Variants in CELF1 observed in about 807,000 individuals in gnomAD.
CELF1 encodes the protein 50 kDa nuclear polyadenylated RNA-binding protein.
Under a neutral mutation model 61.8 loss-of-function variants are expected in CELF1, and 10 were observed. The observed-to-expected ratio is 0.16, with a 90% CI of 0.10 to 0.27. The LOEUF is 0.27. Ranked by LOEUF, CELF1 falls within the 10% of genes least tolerant of loss-of-function variation. The pLI, the probability that CELF1 is intolerant of heterozygous loss-of-function variation, is 1.00. For missense variants in CELF1, 380 were observed against 639.1 expected (o/e 0.59, Z 4.37); for synonymous variants, 236 against 225.1 (o/e 1.05, Z -0.43).
chr11:47,508,923 C>G (rs2094795383), intron 1 of CELF1, among the ~76,000 whole-genome samples: 1 of 152,130 alleles, frequency 6.6e-6, no homozygotes, highest in South Asian at 2.1e-4. Context: ...GCATGCGCCA[C>G]CATGCCCAGC....
chr11:47,475,326 T>G lies in CELF1; in HGVS notation c.1273+10A>C. The G allele has an allele frequency of 1.2e-6, 2 of 1,613,046 alleles. No individual in the cohort carries two copies. Among genetic ancestry groups the G allele is most frequent in the Non-Finnish European group, 1.7e-6 (2 of 1,179,902 alleles). On this transcript the variant is annotated intron_variant, in intron 13 of 14. Coordinates refer to ENST00000687097, the MANE Select transcript of CELF1 (RefSeq NM_001376376.1). The stretch of plus-strand genomic sequence containing the variant: ...CCCCATACCTGACCCCGATCTCCCT[T>G]TGCACTCACCTTCCTTCTGGCTTCC...
intron 1 of CELF1, among the ~76,000 whole-genome samples, chr11:47,549,822 T>G (rs544714371): frequency 6.8e-6 from 1 of 148,026 alleles, no homozygotes; most frequent in South Asian, 2.1e-4. Context: ...TTTTTTTTGT[T>G]TTTTTTTTTT....
intron 2 of CELF1, among the ~76,000 whole-genome samples, chr11:47,562,080 G>T (rs1011885429): frequency 1.3e-5 from 2 of 151,928 alleles, no homozygotes; most frequent in Non-Finnish European, 2.9e-5. Context: ...TACAAAATTA[G>T]CCAGGAGTGG....
chr11:47,505,916 C>G (rs1029444276), intron 1 of CELF1, among the ~76,000 whole-genome samples: 1 of 122,832 alleles, frequency 8.1e-6, no homozygotes, highest in African/African-American at 3.0e-5. Flanking sequence ...GCCTGGGTGA[C>G]AAGAGTGAAA....
chr11:47,558,716 TTATGAC>T (rs2097215964), intron 2 of CELF1, among the ~76,000 whole-genome samples: 1 of 97,180 alleles, frequency 1.0e-5, no homozygotes, highest in Non-Finnish European at 1.9e-5. Context: ...ATATATAATA[TTATGAC>T]ATATATTATA....
chr11:47,489,940 T>TG (rs2090406258), intron 3 of CELF1, among the ~76,000 whole-genome samples: 3 of 111,920 alleles, frequency 2.7e-5, no homozygotes, highest in African/African-American at 1.0e-4. Flanking sequence ...ATCTTGTTTT[T>TG]TTTTTTTTTT....
At chr11:47,493,165 G>A (rs1255839090) in intron 3 of CELF1, among the ~76,000 whole-genome samples, 2 of 151,690 alleles carry the variant, frequency 1.3e-5, no homozygotes, top group East Asian at 3.9e-4. Flanking sequence ...ATTTTTCCAG[G>A]TCTACCTACA....
intron 3 of CELF1, 76 bp downstream of exon 3, chr11:47,499,377 G>A (rs1422192302): frequency 3.4e-6 from 4 of 1,188,604 alleles, no homozygotes; most frequent in Non-Finnish European, 4.7e-6. Context: ...TTAAAAAAAG[G>A]AACCAATTTC....
chr11:47,530,960 C>T (rs1469060256), intron 1 of CELF1, among the ~76,000 whole-genome samples: 3 of 151,630 alleles, frequency 2.0e-5, no homozygotes, highest in Non-Finnish European at 2.9e-5. Context: ...TGTCTTAAAA[C>T]AAAAAGCCCG....
intron 1 of CELF1, among the ~76,000 whole-genome samples, chr11:47,501,483 AATT>A (rs2093891893): frequency 6.6e-6 from 1 of 152,192 alleles, no homozygotes; most frequent in South Asian, 2.1e-4. Context: ...TTAGTGCAAG[AATT>A]CCTCTAAAAA....
rs992825529 is a variant in CELF1 at position 47,559,030 on chromosome 11, AAT to A, written c.-11+5319_-11+5320del. On this transcript the variant is annotated intron_variant, in intron 2 of 3. Transcript: ENST00000525841. ...ATAATATATGTTATATATAATATATAATATGTTACATATAATAATATAATATG... is the reference window on the plus strand; with the variant it reads ...ATAATATATGTTATATATAATATATAATGTTACATATAATAATATAATATG... Among the ~76,000 whole-genome samples, 49 of 143,092 alleles carry A rather than the reference AAT, an allele frequency of 3.4e-4. 1 individual carries two copies. The highest frequency in any genetic ancestry group is 1.7e-3 in the South Asian group (8 of 4,742). 93.9% of individuals were successfully genotyped at this position (143,092 alleles called of 152,430 possible).
intron 13 of CELF1, among the ~76,000 whole-genome samples, chr11:47,474,039 T>G (rs1322543705): frequency 6.6e-6 from 1 of 152,110 alleles, no homozygotes; most frequent in African/African-American, 2.4e-5. Flanking sequence ...CCCGAGTAGC[T>G]GGGATTACAG....
chr11:47,514,559 T>G (rs983357491), intron 1 of CELF1, among the ~76,000 whole-genome samples: 3 of 151,982 alleles, frequency 2.0e-5, no homozygotes, highest in Non-Finnish European at 4.4e-5. Context: ...AAAACATTTT[T>G]AAAAATCTCT....
intron 1 of CELF1, among the ~76,000 whole-genome samples, chr11:47,539,809 A>G (rs2096729467): frequency 6.6e-6 from 1 of 152,136 alleles, no homozygotes. Context: ...TGCATTTCTC[A>G]TCTATGCTTC....
intron 3 of CELF1, 108 bp downstream of exon 3, chr11:47,499,345 C>T (rs2153541741): frequency 1.2e-6 from 1 of 806,622 alleles, no homozygotes; most frequent in South Asian, 1.7e-5. Flanking sequence ...TGGCTTCTTT[C>T]CCCATTTTTC....
At chr11:47,536,299 G>C (rs2096627724) in intron 1 of CELF1, among the ~76,000 whole-genome samples, 1 of 152,208 alleles carries the variant, frequency 6.6e-6, no homozygotes, top group Admixed American at 6.5e-5. Flanking sequence ...CCGGGAGGCG[G>C]AGGTTGCAGT....
chr11:47,525,964 AAG>A (rs2096219063), intron 1 of CELF1, among the ~76,000 whole-genome samples: 1 of 151,892 alleles, frequency 6.6e-6, no homozygotes, highest in African/African-American at 2.4e-5. Flanking sequence ...GAAGAAAGAA[AAG>A]AGAGAAGAGA....
chr11:47,508,094 T>G (rs2094672994), intron 1 of CELF1, among the ~76,000 whole-genome samples: 1 of 152,188 alleles, frequency 6.6e-6, no homozygotes, highest in Non-Finnish European at 1.5e-5. Context: ...TGCCCGTGGC[T>G]TCTTGGTAGG....
At chr11:47,545,915 A>ATATT (rs1182565127) in intron 1 of CELF1, among the ~76,000 whole-genome samples, 1 of 135,844 alleles carries the variant, frequency 7.4e-6, no homozygotes, top group African/African-American at 2.8e-5. Flanking sequence ...GTATATATAT[A>ATATT]TTTTTTTTTT....
Sources: gnomAD v4.1 joint callset for allele counts (sites outside exome capture counted in the v4.1 genomes callset) on GRCh38, gnomAD v4.1.1 for gene constraint, MANE v1.5 for transcripts, NCBI Gene and HGNC (gene_info 2026-07-23, HGNC 2026-07-21) for gene names.